SMYD4: variants seen among roughly 807,000 people sequenced by gnomAD.
SMYD4 encodes the protein protein-lysine N-methyltransferase SMYD4.
Under a neutral mutation model 72.8 loss-of-function variants are expected in SMYD4, and 68 were observed. The observed-to-expected ratio is 0.93, with a 90% CI of 0.77 to 1.14. The LOEUF (loss-of-function observed/expected upper bound fraction) is 1.14. Among genes scored for constraint, SMYD4 ranks in the 50% most tolerant of loss-of-function variants. The pLI is 0.00. For missense variants in SMYD4, 984 were observed against 1,003.7 expected (o/e 0.98, Z 0.27); for synonymous variants, 407 against 388.6 (o/e 1.05, Z -0.56).
intron 2 of SMYD4, among the ~76,000 whole-genome samples, chr17:1,823,551 C>T (rs1911002053): frequency 6.6e-6 from 1 of 152,138 alleles, no homozygotes; most frequent in African/African-American, 2.4e-5. Flanking sequence ...CTGGGAGCCG[C>T]CTGGGTACTG....
rs1156869791 is a variant in SMYD4 at position 1,781,157 on chromosome 17, G to T, written c.*129C>A. 8.4e-7 allele frequency: 1 copy of T among 1,188,502 alleles called. No homozygotes were observed. The highest frequency in any genetic ancestry group is 1.6e-5 in the African/African-American group (1 of 63,836). 73.6% of individuals were successfully genotyped at this position (1,188,502 alleles called of 1,614,324 possible). ...GCTGGTCTTGAACTCCTGACATCAG[G>T]TGATCCGCCCACCTTAGCCTCCCAA... On this transcript the variant is annotated 3_prime_UTR_variant, in exon 11 of 11. Coordinates refer to ENST00000305513, the MANE Select transcript of SMYD4 (RefSeq NM_052928.3).
Position 1,799,959 on chromosome 17 carries a change from G to C in SMYD4, c.1435C>G (p.Pro479Ala), listed in dbSNP as rs766722588. 1.2e-6 allele frequency: 2 copies of C among 1,613,986 alleles called. No individual in the cohort carries two copies. The highest frequency in any genetic ancestry group is 4.5e-5 in the East Asian group (2 of 44,882). ...ATAGTCACGTCAGGACACAATTCAG[G>C]TGTCACTGCTGCTTTAAGCTGAGAG... ...NSSQLKAAVT[P>A]ELCPDVTIWG... is the part of the protein sequence containing the mutation. The change falls in exon 5 of 11, where the codon CCT becomes GCT. Residue 479 changes from proline to alanine, a missense_variant. Transcript: ENST00000305513.
intron 2 of SMYD4, among the ~76,000 whole-genome samples, chr17:1,825,784 T>C (rs1240584716): frequency 6.6e-6 from 1 of 151,958 alleles, no homozygotes; most frequent in Non-Finnish European, 1.5e-5. Flanking sequence ...TTTACAGGTA[T>C]GAGCCACCGC....
chr17:1,818,342 G>A (rs868640224), intron 2 of SMYD4, among the ~76,000 whole-genome samples: 2 of 152,100 alleles, frequency 1.3e-5, no homozygotes, highest in South Asian at 4.1e-4. Context: ...CTTAATACCT[G>A]GGACATATCC....
chr17:1,818,472 AAT>A (rs1220166704), intron 2 of SMYD4, among the ~76,000 whole-genome samples: 1 of 152,206 alleles, frequency 6.6e-6, no homozygotes, highest in Non-Finnish European at 1.5e-5. Context: ...ATATTACTAT[AAT>A]ATCATTATCA....
intron 5 of SMYD4, among the ~76,000 whole-genome samples, chr17:1,793,016 C>G (rs898120948): frequency 6.6e-6 from 1 of 152,058 alleles, no homozygotes; most frequent in Non-Finnish European, 1.5e-5. Flanking sequence ...CTCCTGGGCC[C>G]GAGCCGCTGT....
chr17:1,809,924 A>G (rs1040577891), intron 3 of SMYD4, among the ~76,000 whole-genome samples: 1 of 151,886 alleles, frequency 6.6e-6, no homozygotes, highest in Non-Finnish European at 1.5e-5. Flanking sequence ...GCCTCCCAAA[A>G]TGCTGGGATT....
chr17:1,800,945 G>A lies in SMYD4; in HGVS notation c.449C>T (p.Ala150Val), dbSNP rs768684895. 5 of 1,614,048 alleles carry A rather than the reference G, an allele frequency of 3.1e-6. No individual in the cohort carries two copies. The African/African-American group carries it at 5.3e-5, about 17-fold the overall frequency. The change falls in exon 5 of 11, where the codon GCA (alanine) becomes GTA (valine). Residue 150 changes from alanine (A) to valine (V), a missense_variant. Transcript: ENST00000305513. ...TCTCCCCAGGGCCACCAGACATTCTGCTTTACGTAACATAATCTTGGGTTG... is the reference window on the plus strand; with the variant it reads ...TCTCCCCAGGGCCACCAGACATTCTACTTTACGTAACATAATCTTGGGTTG... ...RLQPKIMLRK[A>V]ECLVALGRLQ...
rs1909674040 is a variant in SMYD4 at position 1,800,578 on chromosome 17, T to C, written c.816A>G (p.Gly272=). 1 of 1,614,092 alleles carries C rather than the reference T, an allele frequency of 6.2e-7. No individual in the cohort carries two copies. Among genetic ancestry groups the C allele is most frequent in the Non-Finnish European group, 8.5e-7 (1 of 1,179,970 alleles). ...EDAFVSVLNP[G]ELPPPHHGLD... ...GGCCGTGATGCGGTGGTGGCAGTTC[T>C]CCTGGGTTGAGAACACTCACAAAAG... Residue 272 remains glycine, a synonymous_variant, in exon 5 of 11, where the codon GGA becomes GGG. Transcript: ENST00000305513.
rs1162784037 is a variant in SMYD4, at chr17:1,794,081, G to A, written c.1537+5776C>T. Among the ~76,000 whole-genome samples the A allele has an allele frequency of 5.7e-3, 98 of 17,094 alleles. 2 individuals carry two copies. Among genetic ancestry groups the A allele is most frequent in the Non-Finnish European group, 9.2e-3 (84 of 9,086 alleles). The allele number at this position is 17,094 out of a possible 152,430, so 11.2% of individuals were successfully genotyped here. ...TGTATATATATGTGTATATATATGT[G>A]TATATATATATATATATATATATAT... On this transcript the variant is annotated intron_variant, in intron 5 of 10. Coordinates refer to ENST00000305513, the MANE Select transcript of SMYD4 (RefSeq NM_052928.3).
chr17:1,783,839 T>G, intron 8 of SMYD4: 1 of 328,562 alleles, frequency 3.0e-6, no homozygotes, highest in Non-Finnish European at 5.7e-6. Flanking sequence ...GATGTCAAGC[T>G]CTAAGGCAGG....
At chr17:1,811,025 C>T (rs1006583589) in intron 3 of SMYD4, among the ~76,000 whole-genome samples, 1 of 152,210 alleles carries the variant, frequency 6.6e-6, no homozygotes, top group Non-Finnish European at 1.5e-5. Context: ...GGCAAGAACC[C>T]GGGATACAGG....
intron 4 of SMYD4, chr17:1,804,359 TAG>T: frequency 3.1e-6 from 1 of 325,000 alleles, no homozygotes; most frequent in African/African-American, 2.1e-5. Context: ...GTATTTTTAG[TAG>T]AGACAGGGTT....
At chr17:1,798,671 G>A (rs758759309) in intron 5 of SMYD4, among the ~76,000 whole-genome samples, 4 of 152,206 alleles carry the variant, frequency 2.6e-5, no homozygotes, top group Middle Eastern at 3.4e-3. Flanking sequence ...GCCAAAGCAG[G>A]TGGATCACCT....
chr17:1,797,791 C>T (rs1043932665), intron 5 of SMYD4, among the ~76,000 whole-genome samples: 3 of 152,102 alleles, frequency 2.0e-5, no homozygotes, highest in African/African-American at 7.2e-5. Context: ...CACCTGAGGT[C>T]AGGAGTTCGA....
chr17:1,813,085 T>C (rs866494583), intron 2 of SMYD4, among the ~76,000 whole-genome samples: 2 of 152,228 alleles, frequency 1.3e-5, no homozygotes, highest in African/African-American at 2.4e-5. Context: ...ATTACAGGCA[T>C]GCACCACCAC....
chr17:1,823,591 C>G (rs1280717241), intron 2 of SMYD4, among the ~76,000 whole-genome samples: 2 of 152,140 alleles, frequency 1.3e-5, no homozygotes, highest in Non-Finnish European at 2.9e-5. Flanking sequence ...TACCCTTTCT[C>G]TCTACTTCCG....
At chr17:1,821,710 C>T (rs929157229) in intron 2 of SMYD4, among the ~76,000 whole-genome samples, 1 of 152,148 alleles carries the variant, frequency 6.6e-6, no homozygotes, top group Non-Finnish European at 1.5e-5. Flanking sequence ...GTGGGCAGAT[C>T]ACCTGAGGTT....
chr17:1,818,667 A>AT (rs56703091), intron 2 of SMYD4, among the ~76,000 whole-genome samples: 13 of 150,520 alleles, frequency 8.6e-5, no homozygotes, highest in South Asian at 4.2e-4. Context: ...TTTATTTTTA[A>AT]TTTTTTTTTC....
Sources: allele counts gnomAD v4.1 joint callset (sites outside exome capture counted in the v4.1 genomes callset), GRCh38; gene constraint gnomAD v4.1.1; transcripts MANE v1.5; gene names NCBI Gene and HGNC (gene_info 2026-07-23, HGNC 2026-07-21).